The following VGLL4 variants were observed in gnomAD, a reference collection of about 807,000 sequenced individuals.
VGLL4 encodes transcription cofactor vestigial-like protein 4.
Under a neutral mutation model 21.0 loss-of-function variants are expected in VGLL4, and 7 were observed. That is an observed-to-expected ratio of 0.33 (90% CI 0.19 to 0.63). The LOEUF (loss-of-function observed/expected upper bound fraction) is 0.63, where lower values mean the gene tolerates loss of function less well. VGLL4 is among the 20% of genes least tolerant of loss of function. VGLL4 has a pLI of 0.78. For missense variants in VGLL4, 394 were observed against 425.7 expected, an observed-to-expected ratio of 0.93 and a Z score of 0.66; for synonymous variants, 222 against 173.2, an observed-to-expected ratio of 1.28 and a Z score of -2.21.
chr3:11,625,553 T>G (rs543662568), intron 1 of VGLL4, among the ~76,000 whole-genome samples: 2 of 152,314 alleles, frequency 1.3e-5, no homozygotes, highest in South Asian at 4.1e-4. Context: ...ACCAGAGGGT[T>G]AGGACCATGA....
chr3:11,590,139 T>G (rs1337590134), intron 2 of VGLL4, among the ~76,000 whole-genome samples: 1 of 152,182 alleles, frequency 6.6e-6, no homozygotes, highest in Non-Finnish European at 1.5e-5. Context: ...TTAGAGCATC[T>G]TGAGAGAAGA....
Position 11,565,144 on chromosome 3 carries a change from G to T in VGLL4, c.273-125C>A. ...CCTGAAGCTCAGGTCGTGTGGCTGGGCAGCACGATGAGGAGCCGGTTGCCA... is the reference window on the plus strand; with the variant it reads ...CCTGAAGCTCAGGTCGTGTGGCTGGTCAGCACGATGAGGAGCCGGTTGCCA... On this transcript the variant is annotated intron_variant, in intron 2 of 4. Coordinates refer to ENST00000430365, the MANE Select transcript of VGLL4 (RefSeq NM_001128219.3). The surrounding 1 kb of genome is among the most constrained non-coding windows in gnomAD (Gnocchi z 4.1). 3 of 998,240 alleles carry T rather than the reference G, an allele frequency of 3.0e-6. No homozygotes were observed. The highest frequency in any genetic ancestry group is 1.3e-6 in the Non-Finnish European group (1 of 745,268). The allele number at this position is 998,240 out of a possible 1,614,324, so 61.8% of individuals were successfully genotyped here.
intron 2 of VGLL4, among the ~76,000 whole-genome samples, chr3:11,682,243 C>T (rs1398780990): frequency 6.6e-6 from 1 of 151,700 alleles, no homozygotes; most frequent in African/African-American, 2.4e-5. Flanking sequence ...ATCTCTACTA[C>T]AAATACAAAA....
rs1305114995 is a variant in VGLL4, at chr3:11,574,785, A to ATATGTGTGTGTGTG, written c.273-9767_273-9766insCACACACACACATA. 8.2e-5 allele frequency among the ~76,000 whole-genome samples: 10 copies of ATATGTGTGTGTGTG among 121,778 alleles called. No homozygotes were observed. In the East Asian group the frequency reaches 8.8e-4, roughly 11 times the overall value. The allele number at this position is 121,778 out of a possible 152,430, so 79.9% of individuals were successfully genotyped here. On this transcript the variant is annotated intron_variant, in intron 2 of 4. Coordinates refer to ENST00000430365, the MANE Select transcript of VGLL4 (RefSeq NM_001128219.3). ...ACAATTACTGTCAATTCAACTATAT[A>ATATGTGTGTGTGTG]TGTGTGTGTGTGTGTGTGTGTGTGT... is the stretch of plus-strand genomic sequence containing the variant.
chr3:11,711,619 A>C, intron 1 of VGLL4, among the ~76,000 whole-genome samples: 1 of 152,074 alleles, frequency 6.6e-6, no homozygotes, highest in African/African-American at 2.4e-5. Context: ...TGGGAGGCTG[A>C]GGCAGAAGGA....
rs2072552788 is a variant in VGLL4 at position 11,557,505 on chromosome 3, GC to G, written c.*1050del. 6.6e-6 allele frequency: 1 copy of G among 152,530 alleles called. No individual in the cohort carries two copies. The highest frequency in any genetic ancestry group is 2.1e-4 in the South Asian group (1 of 4,836). 9.4% of individuals were successfully genotyped at this position (152,530 alleles called of 1,614,324 possible). Reference sequence around the variant, plus strand: ...CAGCCAAACTCCAGCATCCCACACCGCAGCTGACCCACTGCTCATCGCGAGG... The same window carrying G: ...CAGCCAAACTCCAGCATCCCACACCGAGCTGACCCACTGCTCATCGCGAGG... On this transcript the variant is annotated 3_prime_UTR_variant, in exon 5 of 5. Transcript: ENST00000430365.
At chr3:11,704,967 C>A (rs566928695) in intron 1 of VGLL4, among the ~76,000 whole-genome samples, 10 of 152,190 alleles carry the variant, frequency 6.6e-5, no homozygotes, top group Non-Finnish European at 1.0e-4. Context: ...GTTCCTCCCC[C>A]AGAAGGGAAG....
In VGLL4 at chr3:11,604,444, C is replaced by T. The variant is rs756364064; in HGVS notation, c.83-2422G>A. On this transcript the variant is annotated intron_variant, in intron 1 of 4. Transcript: ENST00000430365. Reference sequence around the variant, plus strand: ...AGGCTTACAGCAAAGGAAAAGAATCCGCACATAAGGTCAGGGACAGGTCCG... The same window carrying T: ...AGGCTTACAGCAAAGGAAAAGAATCTGCACATAAGGTCAGGGACAGGTCCG... The T allele has an allele frequency of 3.3e-5, 32 of 957,198 alleles. 2 individuals carry two copies. The highest frequency in any genetic ancestry group is 3.7e-5 in the Non-Finnish European group (30 of 810,452). 59.3% of individuals were successfully genotyped at this position (957,198 alleles called of 1,614,324 possible).
rs1482500100 is a variant in VGLL4 at position 11,711,424 on chromosome 3, C to T, written c.-13-8377G>A. On this transcript the variant is annotated intron_variant, in intron 1 of 5. Coordinates refer to the VGLL4 transcript ENST00000273038. Reference sequence around the variant, plus strand: ...CTAAAAGTACAAAAAATTAGCCAGGCATGGTGGCAGGCACCTGTGGTCCCA... The same window carrying T: ...CTAAAAGTACAAAAAATTAGCCAGGTATGGTGGCAGGCACCTGTGGTCCCA... Among the ~76,000 whole-genome samples, 5 of 151,942 alleles carry T rather than the reference C, an allele frequency of 3.3e-5. No individual in the cohort carries two copies. In the East Asian group the frequency reaches 9.7e-4, roughly 30 times the overall value.
Position 11,558,475 on chromosome 3 carries a change from AT to A in VGLL4, c.*80del, listed in dbSNP as rs369629845. Reference sequence around the variant, plus strand: ...CCCTTCCCCCCACCCCACCCCCATGATTTTTTTTTTTTTAAGTACTGACTGT... The same window carrying A: ...CCCTTCCCCCCACCCCACCCCCATGATTTTTTTTTTTTAAGTACTGACTGT... On this transcript the variant is annotated 3_prime_UTR_variant, in exon 5 of 5. Transcript: ENST00000430365. 0.15 allele frequency: 106,249 copies of A among 701,534 alleles called. 7 individuals carry two copies. The highest frequency in any genetic ancestry group is 0.18 in the East Asian group (3,794 of 21,254). The allele number at this position is 701,534 out of a possible 1,614,324, so 43.5% of individuals were successfully genotyped here.
chr3:11,670,484 A>C lies in VGLL4; in HGVS notation c.64+32487T>G, dbSNP rs373999739. ...CCAACAGCCCTTTTGGGAGGTATGC[A>C]CGCAGCTCTACTTAAGATTTGATTG... On this transcript the variant is annotated intron_variant, in intron 2 of 5. Transcript: ENST00000273038. Among the ~76,000 whole-genome samples, 11 of 152,312 alleles carry C rather than the reference A, an allele frequency of 7.2e-5. No homozygotes were observed. In the South Asian group the frequency reaches 2.3e-3, roughly 32 times the overall value.
At chr3:11,703,935 C>A (rs901158370) in intron 1 of VGLL4, among the ~76,000 whole-genome samples, 3 of 152,350 alleles carry the variant, frequency 2.0e-5, no homozygotes, top group East Asian at 3.9e-4. Context: ...AATATTCATA[C>A]CTCAGGCCTC....
At chr3:11,616,141 C>T (rs2075158143) in intron 1 of VGLL4, among the ~76,000 whole-genome samples, 1 of 152,094 alleles carries the variant, frequency 6.6e-6, no homozygotes, top group African/African-American at 2.4e-5. Flanking sequence ...CTTTCTCTTC[C>T]CTCCCCCGCC....
At chr3:11,634,928 TC>T (rs1469140761) in intron 1 of VGLL4, among the ~76,000 whole-genome samples, 1 of 152,142 alleles carries the variant, frequency 6.6e-6, no homozygotes, top group Non-Finnish European at 1.5e-5. Context: ...TGCCTCAGTC[TC>T]CCAAAGTGCT....
Position 11,557,697 on chromosome 3 carries a change from C to CTATATAATTA in VGLL4, c.*849_*858dup, listed in dbSNP as rs1575334106. 2 of 152,838 alleles carry CTATATAATTA rather than the reference C, an allele frequency of 1.3e-5. No homozygotes were observed. The highest frequency in any genetic ancestry group is 3.8e-4 in the East Asian group (2 of 5,324). 9.5% of individuals were successfully genotyped at this position (152,838 alleles called of 1,614,324 possible). ...AAGTATTAAGGTTTTTGTTTACTGT[C>CTATATAATTA]TATATAATTAATAGAAACCAGCTAT... On this transcript the variant is annotated 3_prime_UTR_variant, in exon 5 of 5. Transcript: ENST00000430365.
chr3:11,721,480 G>A (rs1183721285), upstream of VGLL4, among the ~76,000 whole-genome samples: 1 of 152,210 alleles, frequency 6.6e-6, no homozygotes, highest in African/African-American at 2.4e-5. Context: ...CTAGGAATAG[G>A]TCCCCTGGCT....
Position 11,581,909 on chromosome 3 carries a change from C to T in VGLL4, c.273-16890G>A, listed in dbSNP as rs988147625. On this transcript the variant is annotated intron_variant, in intron 2 of 4. Coordinates refer to ENST00000430365, the MANE Select transcript of VGLL4 (RefSeq NM_001128219.3). ...CAAACTATGCACCATTGTCTAGAGG[C>T]GGTCACATGACAGCCATCACCTGAA... Among the ~76,000 whole-genome samples the T allele has an allele frequency of 5.9e-5, 9 of 152,348 alleles. No homozygotes were observed. In the East Asian group the frequency reaches 1.5e-3, roughly 26 times the overall value.
intron 2 of VGLL4, among the ~76,000 whole-genome samples, chr3:11,579,552 T>C (rs992828837): frequency 6.6e-6 from 1 of 152,258 alleles, no homozygotes; most frequent in Non-Finnish European, 1.5e-5. Flanking sequence ...CACCCAGAAG[T>C]GTTCGTCTGT....
chr3:11,596,506 G>C (rs1427030254), intron 2 of VGLL4, among the ~76,000 whole-genome samples: 1 of 152,182 alleles, frequency 6.6e-6, no homozygotes, highest in African/African-American at 2.4e-5. Context: ...TGGTGAACCA[G>C]GGAGATAGAG....
Sources: allele counts gnomAD v4.1 joint callset (sites outside exome capture counted in the v4.1 genomes callset), GRCh38; gene constraint gnomAD v4.1.1; non-coding constraint Gnocchi (gnomAD v3.1); transcripts MANE v1.5; gene names NCBI Gene and HGNC (gene_info 2026-07-23, HGNC 2026-07-21).